RSRC1: variants seen among roughly 807,000 people sequenced by gnomAD.
The protein encoded by RSRC1 is serine/Arginine-related protein 53.
RSRC1 carries 39 observed loss-of-function variants against 49.1 expected under a neutral mutation model. The ratio of observed to expected loss-of-function variants is 0.79; its 90% CI spans 0.61 to 1.04. RSRC1 has a LOEUF of 1.04. RSRC1 is among the 50% of genes least tolerant of loss of function. The pLI, the probability that RSRC1 is intolerant of heterozygous loss-of-function variation, is 0.00. For missense variants in RSRC1, 388 were observed against 402.4 expected, an observed-to-expected ratio of 0.96 and a Z score of 0.31; for synonymous variants, 143 against 130.8, an observed-to-expected ratio of 1.09 and a Z score of -0.63.
chr3:158,250,685 G>A (rs1724158176), intron 4 of RSRC1, among the ~76,000 whole-genome samples: 1 of 152,006 alleles, frequency 6.6e-6, no homozygotes, highest in Admixed American at 6.6e-5. Flanking sequence ...TTCATATTGA[G>A]GTTATTGAGT....
rs201270861 is a variant in RSRC1 at position 158,314,393 on chromosome 3, G to GA, written c.531+16326dup. Among the ~76,000 whole-genome samples, 29 of 123,458 alleles carry GA rather than the reference G, an allele frequency of 2.3e-4. 1 individual carries two copies. The East Asian group carries it at 5.9e-3, about 25-fold the overall frequency. The allele number at this position is 123,458 out of a possible 152,430, so 81.0% of individuals were successfully genotyped here. A position where few individuals can be genotyped will look rare whatever the true frequency, so the allele number is the denominator to read the frequency against. On this transcript the variant is annotated intron_variant, in intron 5 of 9. Coordinates refer to ENST00000611884, the MANE Select transcript of RSRC1 (RefSeq NM_001271838.2). ...CAGGTGTGAGTCACTGTGCCCAACC[G>GA]AAAAAAAATTCTTTTTTTTTTTTTT...
chr3:158,422,949 G>T (rs578171859), intron 6 of RSRC1, among the ~76,000 whole-genome samples: 22 of 151,858 alleles, frequency 1.4e-4, no homozygotes, highest in East Asian at 1.2e-3. Flanking sequence ...TAAATTTGTT[G>T]GAGGTCATTG....
chr3:158,194,052 T>TACACAC (rs1559936770), intron 3 of RSRC1, among the ~76,000 whole-genome samples: 3 of 112,920 alleles, frequency 2.7e-5, no homozygotes, highest in African/African-American at 1.2e-4. Flanking sequence ...AGACCCCGTC[T>TACACAC]ATACACACAC....
At chr3:158,480,587 T>C (rs1738570138) in intron 7 of RSRC1, among the ~76,000 whole-genome samples, 1 of 152,068 alleles carries the variant, frequency 6.6e-6, no homozygotes, top group South Asian at 2.1e-4. Flanking sequence ...TATCAGTAAC[T>C]GACATTTGGA....
intron 3 of RSRC1, among the ~76,000 whole-genome samples, chr3:158,201,612 T>C (rs1240712713): frequency 6.6e-6 from 1 of 152,208 alleles, no homozygotes; most frequent in East Asian, 1.9e-4. Context: ...ACAGATTCTT[T>C]CCTCTGTTAT....
intron 6 of RSRC1, among the ~76,000 whole-genome samples, chr3:158,444,654 A>T (rs1341272706): frequency 6.6e-6 from 1 of 152,228 alleles, no homozygotes; most frequent in Non-Finnish European, 1.5e-5. Flanking sequence ...CAAAATTGAC[A>T]AATGGGATCT....
At chr3:158,298,935 G>A (rs1169482999) in intron 5 of RSRC1, among the ~76,000 whole-genome samples, 2 of 152,116 alleles carry the variant, frequency 1.3e-5, no homozygotes, top group Non-Finnish European at 1.5e-5. Flanking sequence ...AGTAGCAAGA[G>A]ACAGCTTCAT....
At chr3:158,296,448 T>C (rs946414560) in intron 4 of RSRC1, among the ~76,000 whole-genome samples, 13 of 151,914 alleles carry the variant, frequency 8.6e-5, no homozygotes, top group African/African-American at 2.9e-4. Flanking sequence ...TGTGTGTGTG[T>C]GCATGCATGT....
chr3:158,200,124 G>A (rs79990961), intron 3 of RSRC1, among the ~76,000 whole-genome samples: 33,169 of 151,920 alleles, frequency 0.22, 4,197 homozygotes, highest in Non-Finnish European at 0.29. Context: ...TGCAAGCTCC[G>A]TCTCCCAGGT....
At chr3:158,120,010 T>TA (rs1715142107) in intron 1 of RSRC1, among the ~76,000 whole-genome samples, 1 of 152,008 alleles carries the variant, frequency 6.6e-6, no homozygotes, top group South Asian at 2.1e-4. Flanking sequence ...TTTGTGTTTT[T>TA]AGTAGAGATG....
At chr3:158,492,802 C>T (rs115213565) in intron 7 of RSRC1, among the ~76,000 whole-genome samples, 279 of 152,250 alleles carry the variant, frequency 1.8e-3, no homozygotes, top group African/African-American at 6.0e-3. Flanking sequence ...GTCTTTACAA[C>T]TAAGAATTTA....
chr3:158,321,675 C>T (rs1462707962), intron 5 of RSRC1, among the ~76,000 whole-genome samples: 1 of 150,908 alleles, frequency 6.6e-6, no homozygotes. Context: ...AAAGTAATGC[C>T]AAAAACTGCA....
At chr3:158,234,520 T>C (rs754326310) in intron 4 of RSRC1, among the ~76,000 whole-genome samples, 5 of 152,190 alleles carry the variant, frequency 3.3e-5, no homozygotes, top group Non-Finnish European at 7.4e-5. Context: ...AATGATATCA[T>C]TGAAATGAAT....
intron 7 of RSRC1, among the ~76,000 whole-genome samples, chr3:158,524,964 A>G (rs1180599142): frequency 1.3e-5 from 2 of 152,064 alleles, no homozygotes; most frequent in African/African-American, 4.8e-5. Context: ...CTAATTATAA[A>G]AGCTAAAACT....
At chr3:158,204,214 C>G (rs557689634) in intron 4 of RSRC1, among the ~76,000 whole-genome samples, 2 of 152,174 alleles carry the variant, frequency 1.3e-5, no homozygotes, top group Admixed American at 6.5e-5. Flanking sequence ...TTTCCTCATT[C>G]CTTTCTTTTT....
intron 6 of RSRC1, among the ~76,000 whole-genome samples, chr3:158,377,733 C>A (rs57519456): frequency 0.43 from 64,939 of 151,158 alleles, 14,800 homozygotes; most frequent in South Asian, 0.6. Flanking sequence ...TATCTTGGCT[C>A]ACTGCAACCT....
At chr3:158,439,673 G>A (rs11915781) in intron 6 of RSRC1, among the ~76,000 whole-genome samples, 11 of 152,012 alleles carry the variant, frequency 7.2e-5, no homozygotes, top group African/African-American at 2.7e-4. Context: ...GTGGGGTGGG[G>A]GGCTAGGAGA....
chr3:158,379,152 G>A (rs1732549143), intron 6 of RSRC1, among the ~76,000 whole-genome samples: 1 of 150,276 alleles, frequency 6.7e-6, no homozygotes, highest in Admixed American at 6.6e-5. Context: ...CATGGCAACT[G>A]GAATGAGTGG....
At chr3:158,242,365 CTGCAAAGGACATGA>C (rs1578234879) in intron 4 of RSRC1, among the ~76,000 whole-genome samples, 2 of 152,076 alleles carry the variant, frequency 1.3e-5, no homozygotes, top group South Asian at 2.1e-4. Flanking sequence ...ATCCATGTCC[CTGCAAAGGACATGA>C]TCTTGTTCCT....
Sources: gnomAD v4.1 joint callset for allele counts (sites outside exome capture counted in the v4.1 genomes callset) on GRCh38, gnomAD v4.1.1 for gene constraint, MANE v1.5 for transcripts, NCBI Gene and HGNC (gene_info 2026-07-23, HGNC 2026-07-21) for gene names.